RFC3: variants seen among roughly 807,000 people sequenced by gnomAD.
RFC3 encodes the protein replication factor C subunit 3, also known as A1 38 kDa subunit.
A neutral mutation model predicts 45.1 loss-of-function variants in RFC3; 41 were observed. The observed-to-expected ratio is 0.91, with a 90% CI of 0.71 to 1.18. RFC3 has a LOEUF of 1.18. RFC3 is among the 50% of genes most tolerant of loss of function. RFC3 has a pLI of 0.00. For missense variants in RFC3, 423 were observed against 428.1 expected (o/e 0.99, Z 0.10); for synonymous variants, 149 against 144.0 (o/e 1.03, Z -0.25).
At chr13:33,882,135 C>T (rs1393241920) in intron 8 of RFC3, among the ~76,000 whole-genome samples, 1 of 152,154 alleles carries the variant, frequency 6.6e-6, no homozygotes, top group Non-Finnish European at 1.5e-5. Flanking sequence ...TTCTTTGTAT[C>T]CTATTCTCAG....
At chr13:33,972,988 ATAT>A in the RFC3 span, among the ~76,000 whole-genome samples, 1 of 152,204 alleles carries the variant, frequency 6.6e-6, no homozygotes, top group East Asian at 1.9e-4. Flanking sequence ...AATTTACTTA[ATAT>A]TATTCATTTA....
At chr13:33,959,572 T>C (rs188166709) in intron 8 of RFC3, among the ~76,000 whole-genome samples, 33 of 152,292 alleles carry the variant, frequency 2.2e-4, no homozygotes, top group African/African-American at 7.5e-4. Flanking sequence ...TCAGCTCTCA[T>C]GGCAATTTGT....
Position 33,904,935 on chromosome 13 carries a change from G to A in RFC3, c.880-61152G>A, listed in dbSNP as rs115088188. On this transcript the variant is annotated intron_variant, in intron 8 of 8. Transcript: ENST00000434425. ...CCGAACAATATGTTGTTTGGGATAC[G>A]CATTTAGCAAAACTGTAGAGAAAAA... Among the ~76,000 whole-genome samples the A allele has an allele frequency of 5.8e-3, 877 of 152,176 alleles. 7 individuals carry two copies. Among genetic ancestry groups the A allele is most frequent in the African/African-American group, 0.019 (809 of 41,530 alleles).
chr13:33,838,280 T>A (rs2082172686), downstream of RFC3, among the ~76,000 whole-genome samples: 1 of 152,166 alleles, frequency 6.6e-6, no homozygotes, highest in Non-Finnish European at 1.5e-5. Context: ...TGTGAAAATC[T>A]ACTTTTTTTA....
intron 7 of RFC3, among the ~76,000 whole-genome samples, chr13:33,834,336 A>ATATATACACATACAT (rs2082133174): frequency 1.5e-5 from 2 of 135,032 alleles, no homozygotes; most frequent in African/African-American, 5.6e-5. Context: ...ATATATCTGT[A>ATATATACACATACAT]CTGTAAAAAT....
At chr13:33,904,581 C>G (rs910290035) in intron 8 of RFC3, among the ~76,000 whole-genome samples, 1 of 152,024 alleles carries the variant, frequency 6.6e-6, no homozygotes, top group African/African-American at 2.4e-5. Context: ...CAGAGGAACC[C>G]TCCCGAAGCA....
chr13:33,930,374 T>C (rs2082843967), intron 8 of RFC3, among the ~76,000 whole-genome samples: 1 of 151,862 alleles, frequency 6.6e-6, no homozygotes, highest in Admixed American at 6.6e-5. Flanking sequence ...ACTCCAAGAG[T>C]CCAAATGCTG....
At chr13:33,835,325 C>A in intron 8 of RFC3, 108 bp downstream of exon 8, 1 of 772,322 alleles carries the variant, frequency 1.3e-6, no homozygotes, top group Non-Finnish European at 2.4e-6. Context: ...TTCTCTCCAG[C>A]GCATTAATTG....
Position 33,886,520 on chromosome 13 carries a change from G to A in RFC3, c.879+51303G>A, listed in dbSNP as rs374219013. On this transcript the variant is annotated intron_variant, in intron 8 of 8. Coordinates refer to the RFC3 transcript ENST00000434425. ...ACTGCACTCCAGCCTGGGCGACAGA[G>A]CAAGACTCCATCTGAAAAAAGAAAA... is the stretch of plus-strand genomic sequence containing the variant. 2.1e-5 allele frequency among the ~76,000 whole-genome samples: 3 copies of A among 145,328 alleles called. No individual in the cohort carries two copies. The East Asian group carries it at 6.0e-4, about 29-fold the overall frequency.
chr13:33,818,309 C>A (rs767288692), intron 1 of RFC3, 44 bp downstream of exon 1: 12 of 1,552,288 alleles, frequency 7.7e-6, no homozygotes, highest in Non-Finnish European at 9.8e-6. Context: ...GGAGGCCCCC[C>A]GGCTCGGGGT....
At chr13:33,962,918 G>C (rs1013279705) in intron 8 of RFC3, among the ~76,000 whole-genome samples, 2 of 152,186 alleles carry the variant, frequency 1.3e-5, no homozygotes, top group South Asian at 4.2e-4. Context: ...AATAGAATTT[G>C]TCTAATAGAA....
At chr13:33,896,806 CTA>C (rs2082602731) in intron 8 of RFC3, among the ~76,000 whole-genome samples, 1 of 135,844 alleles carries the variant, frequency 7.4e-6, no homozygotes, top group African/African-American at 2.7e-5. Context: ...TCAATGGAAA[CTA>C]TATAGGCCAA....
chr13:33,877,783 T>A (rs1260083731), intron 8 of RFC3, among the ~76,000 whole-genome samples: 1 of 148,484 alleles, frequency 6.7e-6, no homozygotes, highest in African/African-American at 2.4e-5. Flanking sequence ...AATGAAAAGG[T>A]TTTATTATTA....
At chr13:33,837,641 A>G (rs975976872), downstream of RFC3, 1 of 152,088 alleles carries the variant, frequency 6.6e-6, no homozygotes, top group Non-Finnish European at 1.5e-5. Flanking sequence ...TTACACTTCT[A>G]CCAGCAATAT....
At position 33,845,867 on chromosome 13, in the gene RFC3, G is replaced by A. The variant is rs894489704; in HGVS notation, c.879+10650G>A. On this transcript the variant is annotated intron_variant, in intron 8 of 8. Transcript: ENST00000434425. ...TAGATGTATGGACATTGAAGAGTTA[G>A]GTATTTATTGTAGTATGGGCTTGTT... is the stretch of plus-strand genomic sequence containing the variant. Among the ~76,000 whole-genome samples, 38 of 152,160 alleles carry A rather than the reference G, an allele frequency of 2.5e-4. 1 individual carries two copies. The highest frequency in any genetic ancestry group is 2.4e-5 in the African/African-American group (1 of 41,420).
chr13:33,951,630 C>G (rs145299999), intron 8 of RFC3, among the ~76,000 whole-genome samples: 6 of 151,926 alleles, frequency 3.9e-5, no homozygotes, highest in Admixed American at 6.6e-5. Context: ...AATTACCTTT[C>G]GAAAGCTATC....
chr13:33,862,573 T>C (rs2082348039), intron 8 of RFC3, among the ~76,000 whole-genome samples: 1 of 151,958 alleles, frequency 6.6e-6, no homozygotes. Flanking sequence ...TACACACACA[T>C]GTCAAAATAT....
intron 8 of RFC3, among the ~76,000 whole-genome samples, chr13:33,862,778 A>G (rs528662077): frequency 5.3e-5 from 8 of 152,278 alleles, no homozygotes; most frequent in South Asian, 2.1e-4. Context: ...GCAATTGACA[A>G]TTTAAATGTT....
intron 8 of RFC3, among the ~76,000 whole-genome samples, chr13:33,904,601 C>T (rs1169303229): frequency 6.6e-6 from 1 of 152,070 alleles, no homozygotes; most frequent in African/African-American, 2.4e-5. Flanking sequence ...AAGGCCAGAT[C>T]ATGTCACATC....
Sources: allele counts gnomAD v4.1 joint callset (sites outside exome capture counted in the v4.1 genomes callset), GRCh38; gene constraint gnomAD v4.1.1; transcripts MANE v1.5; gene names NCBI Gene and HGNC (gene_info 2026-07-23, HGNC 2026-07-21).